The following ATAD1 variants were observed in gnomAD, a reference collection of about 807,000 sequenced individuals.
The protein encoded by ATAD1 is ATPase family AAA domain containing 1.
ATAD1 carries 18 observed loss-of-function variants against 42.7 expected under a neutral mutation model. The observed-to-expected ratio is 0.42, with a 90% CI of 0.29 to 0.63. ATAD1 has a LOEUF of 0.63. ATAD1 is among the 20% of genes least tolerant of loss of function. The probability of loss-of-function intolerance (pLI) is 0.19; values close to 1 mark genes in which losing one functional copy is unlikely to be tolerated. For missense variants in ATAD1, 294 were observed against 440.4 expected (o/e 0.67, Z 2.98); for synonymous variants, 132 against 143.1 (o/e 0.92, Z 0.55).
Position 87,754,394 on chromosome 10 carries a change from TTA to T in ATAD1, c.*291_*292del, listed in dbSNP as rs1445330378. 1 of 191,562 alleles carries T rather than the reference TTA, an allele frequency of 5.2e-6. No homozygotes were observed. Among genetic ancestry groups the T allele is most frequent in the African/African-American group, 2.3e-5 (1 of 43,056 alleles). 11.9% of individuals were successfully genotyped at this position (191,562 alleles called of 1,614,324 possible). On this transcript the variant is annotated 3_prime_UTR_variant, in exon 10 of 10. Transcript: ENST00000680024. ...TCTCACTAATGACCCAATGAATCATTTATGACTTTAAGACCAGCTTAGATTCT... is the reference window on the plus strand; with the variant it reads ...TCTCACTAATGACCCAATGAATCATTTGACTTTAAGACCAGCTTAGATTCT...
intron 2 of ATAD1, among the ~76,000 whole-genome samples, chr10:87,808,837 T>TGG (rs1857048910): frequency 6.6e-6 from 1 of 152,158 alleles, no homozygotes; most frequent in Non-Finnish European, 1.5e-5. Flanking sequence ...TTATACCAAT[T>TGG]TAGAAGGGAG....
At position 87,754,000 on chromosome 10, in the gene ATAD1, G is replaced by A. The variant is rs1854115402; in HGVS notation, c.*687C>T. The A allele has an allele frequency of 1.3e-5, 2 of 152,206 alleles. No individual in the cohort carries two copies. Among genetic ancestry groups the A allele is most frequent in the Non-Finnish European group, 2.9e-5 (2 of 68,014 alleles). 9.4% of individuals were successfully genotyped at this position (152,206 alleles called of 1,614,324 possible). ...CCATTCAATGCTGATCACTGAACTA[G>A]TATTTTCATTTGATTATCCTGACAA... On this transcript the variant is annotated 3_prime_UTR_variant, in exon 10 of 10. Coordinates refer to ENST00000680024, the MANE Select transcript of ATAD1 (RefSeq NM_001321967.2).
chr10:87,778,178 T>TAAAAA (rs377243162), intron 5 of ATAD1, among the ~76,000 whole-genome samples: 11 of 88,720 alleles, frequency 1.2e-4, no homozygotes, highest in East Asian at 3.3e-4. Flanking sequence ...TAGAATAAAT[T>TAAAAA]AAAAAAAAAA....
At chr10:87,761,115 T>C (rs927859571) in intron 8 of ATAD1, among the ~76,000 whole-genome samples, 1 of 152,138 alleles carries the variant, frequency 6.6e-6, no homozygotes, top group Non-Finnish European at 1.5e-5. Flanking sequence ...CTCCACAATG[T>C]ATAAGTATGA....
At chr10:87,766,552 G>A (rs898696278) in intron 8 of ATAD1, among the ~76,000 whole-genome samples, 2 of 152,126 alleles carry the variant, frequency 1.3e-5, no homozygotes. Flanking sequence ...GTAAATAAAA[G>A]GAGAAATAAC....
intron 6 of ATAD1, 106 bp downstream of exon 6, chr10:87,776,215 A>T: frequency 1.3e-6 from 1 of 775,498 alleles, no homozygotes. Context: ...AAGTGTAAAT[A>T]ATTATGAAAA....
upstream of ATAD1, chr10:87,818,313 G>A (rs1338829376): frequency 1.0e-6 from 1 of 955,486 alleles, no homozygotes; most frequent in Non-Finnish European, 1.2e-6. Flanking sequence ...GCGCGGAGGG[G>A]GCGTGCTCCC....
At chr10:87,762,594 A>G (rs1354563436) in intron 8 of ATAD1, among the ~76,000 whole-genome samples, 1 of 151,482 alleles carries the variant, frequency 6.6e-6, no homozygotes, top group East Asian at 2.0e-4. Flanking sequence ...CCTCCCAAGT[A>G]GCCAGGATTA....
At chr10:87,823,265 A>G (rs186923493) in intron 1 of ATAD1, among the ~76,000 whole-genome samples, 1 of 152,300 alleles carries the variant, frequency 6.6e-6, no homozygotes, top group Admixed American at 6.5e-5. Flanking sequence ...CTGCATTTCT[A>G]CGTAACCTTT....
Position 87,792,694 on chromosome 10 carries a change from C to T in ATAD1, c.224G>A (p.Ser75Asn), listed in dbSNP as rs778119962. ...KNVKLSEYEM[S>N]IAAHLVDPLN... ...AGGGTCTACAAGATGAGCAGCAATA[C>T]TCATTTCATATTCTGAGAGCTTCAC... Residue 75 changes from serine to asparagine, a missense_variant, in exon 3 of 10, where the codon AGT (serine) becomes AAT (asparagine). Physicochemically the swap from Ser to Asn is conservative, Grantham distance 46. Around this residue, in one of 3 missense-constraint regions of ATAD1, gnomAD observed 121 missense variants for 187.3 expected, o/e 0.65. Transcript: ENST00000680024. 2.6e-6 allele frequency: 4 copies of T among 1,511,816 alleles called. No homozygotes were observed. Among genetic ancestry groups the T allele is most frequent in the South Asian group, 2.2e-5 (2 of 89,970 alleles). The allele number at this position is 1,511,816 out of a possible 1,614,324, so 93.7% of individuals were successfully genotyped here. A position where few individuals can be genotyped will look rare whatever the true frequency, so the allele number is the denominator to read the frequency against.
chr10:87,837,141 G>C (rs2132118916), intron 1 of ATAD1, among the ~76,000 whole-genome samples: 1 of 152,160 alleles, frequency 6.6e-6, no homozygotes, highest in African/African-American at 2.4e-5. Flanking sequence ...ATAGCATCCT[G>C]GCATTGTCCT....
intron 5 of ATAD1, among the ~76,000 whole-genome samples, chr10:87,780,761 T>A (rs931958388): frequency 1.3e-5 from 2 of 152,190 alleles, no homozygotes; most frequent in South Asian, 4.1e-4. Context: ...TATAGACATA[T>A]ACAGCATCAA....
intron 2 of ATAD1, among the ~76,000 whole-genome samples, chr10:87,802,960 C>A (rs1856771380): frequency 6.6e-6 from 1 of 152,084 alleles, no homozygotes; most frequent in South Asian, 2.1e-4. Context: ...AATTTGGAGT[C>A]ACTGAAAACT....
intron 7 of ATAD1, among the ~76,000 whole-genome samples, chr10:87,768,675 T>C (rs967495759): frequency 6.6e-6 from 1 of 152,330 alleles, no homozygotes; most frequent in Admixed American, 6.5e-5. Context: ...ATAATAAACT[T>C]GATAAAACCT....
At chr10:87,804,041 G>A (rs1856817803) in intron 2 of ATAD1, among the ~76,000 whole-genome samples, 1 of 152,190 alleles carries the variant, frequency 6.6e-6, no homozygotes, top group Non-Finnish European at 1.5e-5. Context: ...TGGCAATGGA[G>A]TTCACAACAG....
At chr10:87,815,542 T>C (rs182954852) in intron 1 of ATAD1, among the ~76,000 whole-genome samples, 1 of 152,108 alleles carries the variant, frequency 6.6e-6, no homozygotes, top group East Asian at 1.9e-4. Flanking sequence ...TGTACTTACA[T>C]AAACATGAAA....
At chr10:87,805,607 A>C (rs998470283) in intron 2 of ATAD1, among the ~76,000 whole-genome samples, 2 of 151,852 alleles carry the variant, frequency 1.3e-5, no homozygotes, top group African/African-American at 4.8e-5. Context: ...TTTTAGTCAC[A>C]ATCTCTCCCC....
chr10:87,753,156 G>T lies in ATAD1; in HGVS notation c.*1531C>A, dbSNP rs1854082907. The stretch of plus-strand genomic sequence containing the variant: ...TTTATTACACATTTATAAAATAATA[G>T]AATATAGTTATTAAAAATGGGACAC... On this transcript the variant is annotated 3_prime_UTR_variant, in exon 10 of 10. Transcript: ENST00000680024. 6.6e-6 allele frequency: 1 copy of T among 152,032 alleles called. No homozygotes were observed. The highest frequency in any genetic ancestry group is 6.5e-5 in the Admixed American group (1 of 15,268). 9.4% of individuals were successfully genotyped at this position (152,032 alleles called of 1,614,324 possible). A position where few individuals can be genotyped will look rare whatever the true frequency, so the allele number is the denominator to read the frequency against.
Position 87,752,743 on chromosome 10 carries a change from T to C in ATAD1, c.*1944A>G, listed in dbSNP as rs541929154. ...AGGAAAATAGTTTCCTGAATTACTT[T>C]ATGGTCTTAACATGCCTAGATGAGT... On this transcript the variant is annotated 3_prime_UTR_variant, in exon 10 of 10. Transcript: ENST00000680024. The C allele has an allele frequency of 6.6e-6, 1 of 152,308 alleles. No homozygotes were observed. Among genetic ancestry groups the C allele is most frequent in the East Asian group, 1.9e-4 (1 of 5,186 alleles). 9.4% of individuals were successfully genotyped at this position (152,308 alleles called of 1,614,324 possible). A position where few individuals can be genotyped will look rare whatever the true frequency, so the allele number is the denominator to read the frequency against.
Sources: gnomAD v4.1 joint callset for allele counts (sites outside exome capture counted in the v4.1 genomes callset) on GRCh38, gnomAD v4.1.1 for gene constraint, gnomAD v4.1.1 regional missense constraint, MANE v1.5 for transcripts, NCBI Gene and HGNC (gene_info 2026-07-23, HGNC 2026-07-21) for gene names.